The following METTL25 variants were observed in gnomAD, a reference collection of about 807,000 sequenced individuals.
METTL25 encodes probable methyltransferase-like protein 25.
A neutral mutation model predicts 71.6 loss-of-function variants in METTL25; 64 were observed. That is an observed-to-expected ratio of 0.89 (90% CI 0.73 to 1.10). The LOEUF (loss-of-function observed/expected upper bound fraction) is 1.10. METTL25 is among the 50% of genes least tolerant of loss of function. The pLI is 0.00. For synonymous variants in METTL25, 287 were observed against 250.3 expected (o/e 1.15, Z -1.38); for missense variants, 807 against 707.0 (o/e 1.14, Z -1.60).
intron 8 of METTL25, among the ~76,000 whole-genome samples, chr12:82,455,299 T>A (rs1891413852): frequency 6.6e-6 from 1 of 151,886 alleles, no homozygotes; most frequent in South Asian, 2.1e-4. Flanking sequence ...ATGGTATCTG[T>A]TACACCTAAG....
chr12:82,474,518 A>G (rs957154759), intron 9 of METTL25: 3 of 151,924 alleles, frequency 2.0e-5, no homozygotes, highest in African/African-American at 7.3e-5. Flanking sequence ...TGGTCTGCAG[A>G]TGATTAAGTC....
intron 1 of METTL25, among the ~76,000 whole-genome samples, chr12:82,368,265 G>A (rs1486663370): frequency 6.6e-6 from 1 of 152,176 alleles, no homozygotes; most frequent in Non-Finnish European, 1.5e-5. Flanking sequence ...AATAGCCACT[G>A]CCAGACTTGT....
chr12:82,386,349 A>G (rs1180491351), intron 1 of METTL25, among the ~76,000 whole-genome samples: 3 of 152,126 alleles, frequency 2.0e-5, no homozygotes, highest in Admixed American at 6.6e-5. Flanking sequence ...TTAAATGCAC[A>G]GTTATAGGCC....
At chr12:82,399,437 T>C in intron 4 of METTL25, 43 bp downstream of exon 4, 1 of 1,417,218 alleles carries the variant, frequency 7.1e-7, no homozygotes, top group South Asian at 1.4e-5. Flanking sequence ...TACAAAAACA[T>C]TGTATTCAAT....
At chr12:82,379,578 G>A (rs1050540392) in intron 1 of METTL25, among the ~76,000 whole-genome samples, 3 of 152,038 alleles carry the variant, frequency 2.0e-5, no homozygotes, top group African/African-American at 4.8e-5. Flanking sequence ...AAACATTCTC[G>A]TGAAGCAAAC....
chr12:82,376,276 T>G (rs1182513342), intron 1 of METTL25, among the ~76,000 whole-genome samples: 1 of 152,246 alleles, frequency 6.6e-6, no homozygotes, highest in African/African-American at 2.4e-5. Context: ...TCATCCCTCT[T>G]TTTCAACATT....
chr12:82,460,606 T>C (rs1208506784), intron 9 of METTL25, among the ~76,000 whole-genome samples: 3 of 152,178 alleles, frequency 2.0e-5, no homozygotes, highest in Non-Finnish European at 2.9e-5. Context: ...GAAAAATATC[T>C]GACAAATCCC....
intron 7 of METTL25, 143 bp downstream of exon 7, chr12:82,434,867 A>G (rs1889801930): frequency 2.7e-6 from 2 of 744,694 alleles, no homozygotes; most frequent in Non-Finnish European, 4.5e-6. Context: ...CATTTTCTGT[A>G]AGTTTACTTT....
intron 3 of METTL25, among the ~76,000 whole-genome samples, chr12:82,397,158 G>C (rs796194607): frequency 1.6e-4 from 25 of 152,026 alleles, no homozygotes; most frequent in African/African-American, 5.8e-4. Context: ...TTAACTTTAT[G>C]GTAAACTCAG....
At chr12:82,372,018 A>G (rs532819737) in intron 1 of METTL25, among the ~76,000 whole-genome samples, 1 of 152,272 alleles carries the variant, frequency 6.6e-6, no homozygotes, top group Admixed American at 6.5e-5. Context: ...CTGTCATTCC[A>G]TCATTTACTT....
chr12:82,398,764 TC>T, intron 3 of METTL25, 30 bp from the exon 4 acceptor site: 2 of 1,393,132 alleles, frequency 1.4e-6, no homozygotes, highest in South Asian at 4.0e-5. Context: ...TGCCTAAAAT[TC>T]TTTAATTTAT....
chr12:82,434,662 A>G (rs1383589059), intron 6 of METTL25, 33 bp from the exon 7 acceptor site: 1 of 1,601,578 alleles, frequency 6.2e-7, no homozygotes, highest in Admixed American at 1.7e-5. Context: ...GACTCAATAT[A>G]TCAACAATCT....
intron 5 of METTL25, among the ~76,000 whole-genome samples, chr12:82,410,591 C>T (rs755811089): frequency 3.0e-4 from 45 of 152,072 alleles, no homozygotes; most frequent in Non-Finnish European, 3.5e-4. Flanking sequence ...AATTAGAACA[C>T]GTATTTTTTT....
At chr12:82,431,242 G>A (rs566480390) in intron 6 of METTL25, among the ~76,000 whole-genome samples, 3 of 151,130 alleles carry the variant, frequency 2.0e-5, no homozygotes, top group South Asian at 2.1e-4. Flanking sequence ...TTTATCCAAC[G>A]CTCTGTGGTT....
At chr12:82,448,360 T>A (rs1168472363) in intron 8 of METTL25, among the ~76,000 whole-genome samples, 4 of 152,026 alleles carry the variant, frequency 2.6e-5, no homozygotes, top group Non-Finnish European at 5.9e-5. Flanking sequence ...TAATTGTGAT[T>A]TAGCCCATTT....
chr12:82,456,513 A>G (rs1891497661), intron 8 of METTL25, among the ~76,000 whole-genome samples: 1 of 151,986 alleles, frequency 6.6e-6, no homozygotes, highest in African/African-American at 2.4e-5. Flanking sequence ...CACAGCCTTC[A>G]CTGCTATATG....
chr12:82,442,722 G>A (rs912814220), intron 8 of METTL25, among the ~76,000 whole-genome samples: 4 of 152,078 alleles, frequency 2.6e-5, no homozygotes, highest in Non-Finnish European at 5.9e-5. Context: ...CAGATGAAGA[G>A]TACACCAGTC....
intron 9 of METTL25, among the ~76,000 whole-genome samples, chr12:82,461,153 T>C (rs1468727504): frequency 1.3e-5 from 2 of 152,128 alleles, no homozygotes; most frequent in Admixed American, 1.3e-4. Context: ...CAAAAAAATA[T>C]GTATATATAT....
chr12:82,440,657 A>G (rs962539956), intron 8 of METTL25, among the ~76,000 whole-genome samples: 3 of 152,018 alleles, frequency 2.0e-5, no homozygotes, highest in Admixed American at 2.0e-4. Context: ...ACACAAGAAC[A>G]ATTTATGTTC....
Sources: gnomAD v4.1 joint callset for allele counts (sites outside exome capture counted in the v4.1 genomes callset) on GRCh38, gnomAD v4.1.1 for gene constraint, MANE v1.5 for transcripts, NCBI Gene and HGNC (gene_info 2026-07-23, HGNC 2026-07-21) for gene names.